The following NXPH2 variants were observed in gnomAD, a reference collection of about 807,000 sequenced individuals.
The protein encoded by NXPH2 is neurexophilin 2, also known as neurexophilin-2.
A neutral mutation model predicts 19.8 loss-of-function variants in NXPH2; 5 were observed. That is an observed-to-expected ratio of 0.25 (90% CI 0.13 to 0.53). NXPH2 has a LOEUF of 0.53. Among genes scored for constraint, NXPH2 ranks in the 20% least tolerant of loss-of-function variants. The probability of loss-of-function intolerance (pLI) is 0.96; values close to 1 mark genes in which losing one functional copy is unlikely to be tolerated. For synonymous variants in NXPH2, 154 were observed against 127.4 expected (o/e 1.21, Z -1.41); for missense variants, 289 against 322.8 (o/e 0.90, Z 0.80).
chr2:138,720,725 A>G (rs1180720997), intron 1 of NXPH2, among the ~76,000 whole-genome samples: 7 of 152,188 alleles, frequency 4.6e-5, no homozygotes, highest in Admixed American at 2.0e-4. Flanking sequence ...AATACGGTTC[A>G]GATCCCTGTT....
At chr2:138,737,039 C>A (rs1376113869) in intron 1 of NXPH2, among the ~76,000 whole-genome samples, 1 of 152,198 alleles carries the variant, frequency 6.6e-6, no homozygotes, top group East Asian at 1.9e-4. Context: ...TTCAACAAGT[C>A]TCTAGGAAGT....
chr2:138,715,927 G>A (rs1018954361), intron 1 of NXPH2, among the ~76,000 whole-genome samples: 2 of 152,134 alleles, frequency 1.3e-5, no homozygotes, highest in Non-Finnish European at 2.9e-5. Flanking sequence ...GTCCTGGGGT[G>A]GGGTGAGGGC....
chr2:138,776,824 T>G, intron 1 of NXPH2, among the ~76,000 whole-genome samples: 1 of 152,042 alleles, frequency 6.6e-6, no homozygotes, highest in East Asian at 1.9e-4. Flanking sequence ...ATTAAAATTA[T>G]TAGTTTTAAT....
chr2:138,717,940 G>C (rs1017724042), intron 1 of NXPH2, among the ~76,000 whole-genome samples: 4 of 151,932 alleles, frequency 2.6e-5, no homozygotes, highest in Non-Finnish European at 5.9e-5. Context: ...CATTATAATA[G>C]AGTTGAAAAT....
At chr2:138,777,519 A>AAGT (rs1473148932) in intron 1 of NXPH2, among the ~76,000 whole-genome samples, 1 of 151,992 alleles carries the variant, frequency 6.6e-6, no homozygotes, top group African/African-American at 2.4e-5. Flanking sequence ...GTTTTCTTAG[A>AAGT]AGTTTTAAAT....
rs192652899 is a variant in NXPH2, at chr2:138,746,917, G to A, written c.51+33274C>T. ...AAAGAGAAGTGACTGTATGATAAACGCAGTGCCTGGCCCTGATCCTGAAAA... is the reference window on the plus strand; with the variant it reads ...AAAGAGAAGTGACTGTATGATAAACACAGTGCCTGGCCCTGATCCTGAAAA... On this transcript the variant is annotated intron_variant, in intron 1 of 1. Transcript: ENST00000272641. Among the ~76,000 whole-genome samples the A allele has an allele frequency of 1.1e-4, 16 of 152,174 alleles. No individual in the cohort carries two copies. The East Asian group carries it at 2.9e-3, about 28-fold the overall frequency.
chr2:138,727,395 T>A (rs1205084254), intron 1 of NXPH2, among the ~76,000 whole-genome samples: 1 of 152,180 alleles, frequency 6.6e-6, no homozygotes, highest in African/African-American at 2.4e-5. Context: ...CAGGATATAG[T>A]GTCAGCATTT....
At chr2:138,682,669 T>C (rs548954495) in intron 1 of NXPH2, among the ~76,000 whole-genome samples, 2 of 152,334 alleles carry the variant, frequency 1.3e-5, no homozygotes, top group South Asian at 4.1e-4. Flanking sequence ...CTTTACGTTA[T>C]TCTAAATTGA....
At chr2:138,734,260 G>T (rs1681500438) in intron 1 of NXPH2, among the ~76,000 whole-genome samples, 1 of 152,106 alleles carries the variant, frequency 6.6e-6, no homozygotes, top group South Asian at 2.1e-4. Flanking sequence ...AGAAGAATGA[G>T]ATATTCGAGG....
At chr2:138,770,534 ATATAAGATTAT>A (rs1304707774) in intron 1 of NXPH2, among the ~76,000 whole-genome samples, 54 of 152,204 alleles carry the variant, frequency 3.5e-4, no homozygotes, top group Middle Eastern at 3.6e-3. Flanking sequence ...AAAGAGTCAA[ATATAAGATTAT>A]TTGCAGATGA....
intron 1 of NXPH2, among the ~76,000 whole-genome samples, chr2:138,768,447 GC>G (rs1682126037): frequency 6.6e-6 from 1 of 152,182 alleles, no homozygotes; most frequent in Non-Finnish European, 1.5e-5. Context: ...TCATCAAAGT[GC>G]CCTGCCCTTC....
chr2:138,717,608 C>A (rs1681213375), intron 1 of NXPH2, among the ~76,000 whole-genome samples: 1 of 151,984 alleles, frequency 6.6e-6, no homozygotes, highest in African/African-American at 2.4e-5. Context: ...TTAATGCCAT[C>A]ACCTTGGGAG....
chr2:138,745,053 T>C (rs1017814916), intron 1 of NXPH2, among the ~76,000 whole-genome samples: 3 of 152,334 alleles, frequency 2.0e-5, no homozygotes, highest in Admixed American at 6.5e-5. Flanking sequence ...AAACACGACC[T>C]GATTTCCATC....
intron 1 of NXPH2, among the ~76,000 whole-genome samples, chr2:138,766,512 A>G (rs1682095857): frequency 1.3e-5 from 2 of 152,162 alleles, no homozygotes; most frequent in African/African-American, 4.8e-5. Flanking sequence ...AGCATCCTAC[A>G]ATGCACAGGA....
intron 1 of NXPH2, among the ~76,000 whole-genome samples, chr2:138,734,655 C>G (rs562365824): frequency 1.3e-5 from 2 of 152,264 alleles, no homozygotes; most frequent in East Asian, 3.9e-4. Context: ...AGGGAGACCA[C>G]AGTAGTGATG....
intron 1 of NXPH2, among the ~76,000 whole-genome samples, chr2:138,744,793 C>A (rs1032390477): frequency 6.6e-6 from 1 of 152,158 alleles, no homozygotes; most frequent in African/African-American, 2.4e-5. Context: ...CATGTAAGGA[C>A]CACGAATCAA....
intron 1 of NXPH2, among the ~76,000 whole-genome samples, chr2:138,697,468 G>A (rs1333268447): frequency 6.6e-6 from 1 of 151,854 alleles, no homozygotes; most frequent in Non-Finnish European, 1.5e-5. Context: ...TAATTTATAT[G>A]GGTACCCATT....
intron 1 of NXPH2, among the ~76,000 whole-genome samples, chr2:138,705,753 T>C (rs4257338): frequency 0.94 from 142,636 of 152,282 alleles, 67,118 homozygotes; most frequent in East Asian, 1. Flanking sequence ...CAGTGGTCCT[T>C]GTTCTCTCTC....
chr2:138,739,194 G>A (rs12620714), intron 1 of NXPH2, among the ~76,000 whole-genome samples: 32,431 of 152,090 alleles, frequency 0.21, 4,040 homozygotes, highest in East Asian at 0.53. Context: ...AATAATAATG[G>A]TAATGTGCTT....
Sources: gnomAD v4.1 joint callset for allele counts (sites outside exome capture counted in the v4.1 genomes callset) on GRCh38, gnomAD v4.1.1 for gene constraint, MANE v1.5 for transcripts, NCBI Gene and HGNC (gene_info 2026-07-23, HGNC 2026-07-21) for gene names.